ABHD6: variants seen among roughly 807,000 people sequenced by gnomAD.
ABHD6 encodes monoacylglycerol lipase ABHD6.
A neutral mutation model predicts 38.8 loss-of-function variants in ABHD6; 33 were observed. The observed-to-expected ratio is 0.85, with a 90% CI of 0.64 to 1.14. The LOEUF (loss-of-function observed/expected upper bound fraction) is 1.14, where lower values mean the gene tolerates loss of function less well. ABHD6 is among the 50% of genes most tolerant of loss of function. The pLI is 0.00. For synonymous variants in ABHD6, 147 were observed against 161.6 expected, an observed-to-expected ratio of 0.91 and a Z score of 0.69; for missense variants, 380 against 422.6, an observed-to-expected ratio of 0.90 and a Z score of 0.88.
intron 1 of ABHD6, among the ~76,000 whole-genome samples, chr3:58,248,014 C>G (rs1034382680): frequency 6.6e-6 from 1 of 152,206 alleles, no homozygotes; most frequent in Admixed American, 6.5e-5. Flanking sequence ...TGGCCAATTT[C>G]TTTTGTGTCC....
rs1348677127 is a variant in ABHD6 at position 58,259,993 on chromosome 3, G to A, written c.119+3288G>A. 1.3e-5 allele frequency among the ~76,000 whole-genome samples: 2 copies of A among 152,118 alleles called. No individual in the cohort carries two copies. Among genetic ancestry groups the A allele is most frequent in the Admixed American group, 1.3e-4 (2 of 15,266 alleles). ...ACTTAGCATAATGTTTTCAAGGTTC[G>A]TCCATGTTGTAGCATGCATCACTCC... On this transcript the variant is annotated intron_variant, in intron 3 of 9. Transcript: ENST00000478253. The surrounding 1 kb of genome is among the most constrained non-coding windows in gnomAD (Gnocchi z 4.7).
rs544209352 is a variant in ABHD6 at position 58,267,419 on chromosome 3, C to A, written c.276+74C>A. ...GTGGCTCATGCCTATAATCCCAGCA[C>A]TTTGGGAGCCTGAGGCAGGAGGATT... On this transcript the variant is annotated intron_variant, in intron 4 of 9. Coordinates refer to ENST00000478253, the MANE Select transcript of ABHD6 (RefSeq NM_001320126.2). This position sits in a 1 kb window ranked among gnomAD's most constrained non-coding sequence, Gnocchi z 4.3. The A allele has an allele frequency of 6.4e-7, 1 of 1,563,992 alleles. No homozygotes were observed. The highest frequency in any genetic ancestry group is 2.3e-5 in the East Asian group (1 of 43,492).
intron 2 of ABHD6, among the ~76,000 whole-genome samples, chr3:58,253,150 C>T (rs6769216): frequency 0.15 from 20,791 of 142,748 alleles, 2,074 homozygotes; most frequent in African/African-American, 0.3. Flanking sequence ...TGGCAGGCAC[C>T]GACAGAGCAC....
chr3:58,239,118 A>G (rs1464579452), intron 1 of ABHD6, among the ~76,000 whole-genome samples: 1 of 148,308 alleles, frequency 6.7e-6, no homozygotes, highest in Non-Finnish European at 1.5e-5. Context: ...CCTTCCCCCA[A>G]CCGCCCCCCC....
intron 3 of ABHD6, among the ~76,000 whole-genome samples, chr3:58,264,648 G>A (rs1279875067): frequency 6.6e-6 from 1 of 151,508 alleles, no homozygotes; most frequent in Non-Finnish European, 1.5e-5. Flanking sequence ...CCGTGATTGT[G>A]TCACTGCACT....
chr3:58,254,129 A>C (rs1378183357), intron 2 of ABHD6, among the ~76,000 whole-genome samples: 1 of 152,224 alleles, frequency 6.6e-6, no homozygotes, highest in South Asian at 2.1e-4. Context: ...AAGGTAGTAG[A>C]TTGGAGTTAG....
At chr3:58,278,034 G>A (rs1197602207) in intron 7 of ABHD6, among the ~76,000 whole-genome samples, 7 of 152,098 alleles carry the variant, frequency 4.6e-5, no homozygotes, top group Non-Finnish European at 7.4e-5. Flanking sequence ...TTTTCACATC[G>A]ATGTTCATCT....
rs1575526637 is a variant in ABHD6 at position 58,274,846 on chromosome 3, C to A, written c.681+31C>A. 6 of 1,607,530 alleles carry A rather than the reference C, an allele frequency of 3.7e-6. No homozygotes were observed. In the Admixed American group the frequency reaches 6.8e-5, roughly 18 times the overall value. ...GTGGTTGCAGCAGCGACACAACTAC[C>A]CTCCCCAGAGGCCCGGGGGCGAGTA... On this transcript the variant is annotated intron_variant, in intron 7 of 9. Coordinates refer to ENST00000478253, the MANE Select transcript of ABHD6 (RefSeq NM_001320126.2).
chr3:58,282,502 C>T (rs1248671811), intron 7 of ABHD6, among the ~76,000 whole-genome samples: 3 of 151,994 alleles, frequency 2.0e-5, no homozygotes, highest in Admixed American at 6.6e-5. Flanking sequence ...GAGGCCAAGG[C>T]GGGTGGATTG....
chr3:58,239,565 CG>C (rs1344977729), intron 1 of ABHD6, among the ~76,000 whole-genome samples: 4 of 152,142 alleles, frequency 2.6e-5, no homozygotes, highest in African/African-American at 9.7e-5. Flanking sequence ...CTGTGGCTTT[CG>C]TCAACTCCAA....
chr3:58,261,582 A>G (rs1218701007), intron 3 of ABHD6, among the ~76,000 whole-genome samples: 1 of 152,196 alleles, frequency 6.6e-6, no homozygotes, highest in African/African-American at 2.4e-5. Context: ...TCCTGGGCTC[A>G]AGCGATCCAC....
intron 7 of ABHD6, among the ~76,000 whole-genome samples, chr3:58,275,764 G>A (rs1204077461): frequency 6.6e-6 from 1 of 152,116 alleles, no homozygotes; most frequent in Non-Finnish European, 1.5e-5. Context: ...ATTCACGTTA[G>A]GTATTTCTCC....
chr3:58,290,279 C>T (rs2097461155), intron 9 of ABHD6, among the ~76,000 whole-genome samples: 1 of 136,624 alleles, frequency 7.3e-6, no homozygotes, highest in African/African-American at 2.8e-5. Context: ...GACGGGGCGG[C>T]TGGCCGGGCG....
chr3:58,291,563 A>T (rs888672589), intron 9 of ABHD6, among the ~76,000 whole-genome samples: 1 of 152,118 alleles, frequency 6.6e-6, no homozygotes, highest in South Asian at 2.1e-4. Context: ...CCAGCCCAGG[A>T]AAAGTTTTTG....
rs2097465263 is a variant in ABHD6 at position 58,293,819 on chromosome 3, T to C, written c.*54T>C. 1.9e-6 allele frequency: 3 copies of C among 1,577,830 alleles called. No individual in the cohort carries two copies. The highest frequency in any genetic ancestry group is 1.3e-5 in the African/African-American group (1 of 74,182). On this transcript the variant is annotated 3_prime_UTR_variant, in exon 10 of 10. Coordinates refer to ENST00000478253, the MANE Select transcript of ABHD6 (RefSeq NM_001320126.2). This position sits in a 1 kb window ranked among gnomAD's most constrained non-coding sequence, Gnocchi z 4.4. Reference sequence around the variant, plus strand: ...ACAGCATCTGCTCCCATCCCCCAAGTCTGACGCAGCCACCACTCTCAGGGA... The same window carrying C: ...ACAGCATCTGCTCCCATCCCCCAAGCCTGACGCAGCCACCACTCTCAGGGA...
chr3:58,271,797 G>A (rs1469888315), intron 6 of ABHD6, among the ~76,000 whole-genome samples: 1 of 62,980 alleles, frequency 1.6e-5, no homozygotes, highest in African/African-American at 6.5e-5. Context: ...TTTTGAGACA[G>A]TCTGTTGCTC....
chr3:58,291,511 G>A (rs571482090), intron 9 of ABHD6, among the ~76,000 whole-genome samples: 5 of 152,060 alleles, frequency 3.3e-5, no homozygotes, highest in African/African-American at 9.7e-5. Flanking sequence ...TTCCCACCTC[G>A]GCCTCCCAGA....
chr3:58,291,440 G>A (rs555922779), intron 9 of ABHD6, among the ~76,000 whole-genome samples: 2 of 152,132 alleles, frequency 1.3e-5, no homozygotes, highest in East Asian at 1.9e-4. Context: ...TTTATTTTTT[G>A]TAGAGATGAG....
Position 58,251,646 on chromosome 3 carries a change from G to A in ABHD6, c.-26+1704G>A, listed in dbSNP as rs1056266983. ...AAGGGCCCCCAAATGCACAGCTTGG[G>A]TGTTGAGCAGTGGCAGAGGATCCTG... is the stretch of plus-strand genomic sequence containing the variant. On this transcript the variant is annotated intron_variant, in intron 2 of 9. Transcript: ENST00000478253. This position sits in a 1 kb window ranked among gnomAD's most constrained non-coding sequence, Gnocchi z 5.4. 2.0e-5 allele frequency among the ~76,000 whole-genome samples: 3 copies of A among 152,186 alleles called. No individual in the cohort carries two copies. Among genetic ancestry groups the A allele is most frequent in the Non-Finnish European group, 2.9e-5 (2 of 68,036 alleles).
Sources: gnomAD v4.1 joint callset for allele counts (sites outside exome capture counted in the v4.1 genomes callset) on GRCh38, gnomAD v4.1.1 for gene constraint, Gnocchi (gnomAD v3.1) non-coding constraint, MANE v1.5 for transcripts, NCBI Gene and HGNC (gene_info 2026-07-23, HGNC 2026-07-21) for gene names.